The following PTGER3 variants were observed in gnomAD, a reference collection of about 807,000 sequenced individuals.
PTGER3 encodes the protein prostaglandin E receptor 3, also known as prostaglandin E2 receptor EP3 subtype.
In PTGER3, 22 loss-of-function variants were observed where a neutral mutation model predicts 34.7. The observed-to-expected ratio is 0.63, with a 90% CI of 0.45 to 0.91. The LOEUF (loss-of-function observed/expected upper bound fraction) is 0.91, where lower values mean the gene tolerates loss of function less well. Ranked by LOEUF, PTGER3 falls within the 40% of genes least tolerant of loss-of-function variation. The pLI, the probability that PTGER3 is intolerant of heterozygous loss-of-function variation, is 0.00. For missense variants in PTGER3, 468 were observed against 519.4 expected (o/e 0.90, Z 0.96); for synonymous variants, 241 against 230.1 (o/e 1.05, Z -0.43).
intron 1 of PTGER3, among the ~76,000 whole-genome samples, chr1:71,017,161 T>A (rs891729108): frequency 6.6e-6 from 1 of 152,054 alleles, no homozygotes; most frequent in Non-Finnish European, 1.5e-5. Flanking sequence ...AATCCTAGAT[T>A]ACCTGCGTGG....
At chr1:70,962,542 T>A (rs1652047575) in intron 2 of PTGER3, among the ~76,000 whole-genome samples, 1 of 152,130 alleles carries the variant, frequency 6.6e-6, no homozygotes, top group Admixed American at 6.5e-5. Flanking sequence ...GCCTCACACT[T>A]CATGGTGGAA....
At chr1:70,980,451 C>A (rs576526) in intron 2 of PTGER3, among the ~76,000 whole-genome samples, 1 of 151,654 alleles carries the variant, frequency 6.6e-6, no homozygotes, top group African/African-American at 2.4e-5. Context: ...TTGTAACTAC[C>A]CCTATAAGAT....
rs568020055 is a variant in PTGER3, at chr1:70,952,957, C to G, written c.1207G>C (p.Val403Leu). The G allele has an allele frequency of 1.9e-6, 3 of 1,613,002 alleles. No individual in the cohort carries two copies. In the African/African-American group the frequency reaches 4.0e-5, roughly 22 times the overall value. The change falls in exon 4 of 4, where the codon GTG becomes CTG. Residue 403 changes from valine to leucine, a missense_variant. Coordinates refer to the PTGER3 transcript ENST00000356595. ...CTGGTGTACACATTAATGCTGCTCA[C>G]GAGTACCTCCATTTCTTCTCTGTTC...
rs1376835688 is a variant in PTGER3, at chr1:70,925,607, A to G, written c.*23+28156T>C. Among the ~76,000 whole-genome samples the G allele has an allele frequency of 2.0e-5, 3 of 152,206 alleles. No individual in the cohort carries two copies. In the East Asian group the frequency reaches 5.8e-4, roughly 29 times the overall value. On this transcript the variant is annotated intron_variant, in intron 4 of 4. Transcript: ENST00000370931. The stretch of plus-strand genomic sequence containing the variant: ...AATTCTGCAAAAAAATTAATGAACC[A>G]CAGCTTCATGCAAAAATAAGAGTAA...
At chr1:71,009,622 A>G (rs766271658) in intron 2 of PTGER3, 14 of 985,156 alleles carry the variant, frequency 1.4e-5, no homozygotes, top group Non-Finnish European at 1.7e-5. Flanking sequence ...TAAAATTGAC[A>G]CTTGCTAATT....
At chr1:70,983,295 C>A (rs77207150) in intron 2 of PTGER3, among the ~76,000 whole-genome samples, 1 of 118,930 alleles carries the variant, frequency 8.4e-6, no homozygotes, top group Non-Finnish European at 1.9e-5. Context: ...AAAAAAAAAA[C>A]AACGGAACTT....
At chr1:71,008,488 A>C (rs919482364) in intron 2 of PTGER3, 28 of 919,048 alleles carry the variant, frequency 3.0e-5, no homozygotes, top group Non-Finnish European at 3.2e-5. Context: ...TTCTTTTATC[A>C]TCATCACCAC....
chr1:70,927,949 T>C (rs1006689161), intron 4 of PTGER3, among the ~76,000 whole-genome samples: 6 of 152,062 alleles, frequency 3.9e-5, no homozygotes, highest in Non-Finnish European at 7.4e-5. Context: ...AGTTGTGCCT[T>C]GGAGTGTGCT....
chr1:71,004,664 G>A lies in PTGER3; in HGVS notation c.1077+7641C>T, dbSNP rs773383068. Reference sequence around the variant, plus strand: ...CTTTGGAGACAAAGACTCACTTTAGGTATCACTTTGAGAGACATACAAACC... The same window carrying A: ...CTTTGGAGACAAAGACTCACTTTAGATATCACTTTGAGAGACATACAAACC... On this transcript the variant is annotated intron_variant, in intron 2 of 3. Transcript: ENST00000306666. Among the ~76,000 whole-genome samples the A allele has an allele frequency of 2.6e-5, 4 of 152,104 alleles. No individual in the cohort carries two copies. The South Asian group carries it at 8.3e-4, about 32-fold the overall frequency.
rs557027843 is a variant in PTGER3, at chr1:70,856,632, G to A, written c.*24-3773C>T. ...ATGGGCTTTTTCCCATTTTTTTAAGGTTAGAAGGTGTTTCAGAATGTGACT... is the reference window on the plus strand; with the variant it reads ...ATGGGCTTTTTCCCATTTTTTTAAGATTAGAAGGTGTTTCAGAATGTGACT... On this transcript the variant is annotated intron_variant, in intron 4 of 4. Transcript: ENST00000370931. Among the ~76,000 whole-genome samples the A allele has an allele frequency of 2.0e-5, 3 of 152,098 alleles. No homozygotes were observed. In the South Asian group the frequency reaches 6.2e-4, roughly 32 times the overall value.
intron 2 of PTGER3, among the ~76,000 whole-genome samples, chr1:70,955,401 T>G (rs895820748): frequency 6.6e-6 from 1 of 152,172 alleles, no homozygotes; most frequent in African/African-American, 2.4e-5. Context: ...AGAAATAACC[T>G]GATTCTTATT....
intron 1 of PTGER3, among the ~76,000 whole-genome samples, chr1:71,036,997 T>TG (rs374789540): frequency 2.6e-5 from 1 of 37,976 alleles, no homozygotes; most frequent in South Asian, 9.2e-4. Flanking sequence ...GTGTTTGTGC[T>TG]CGGAGAATTG....
Position 71,046,856 on chromosome 1 carries a change from G to C in PTGER3, c.722C>G (p.Ala241Gly). 6.2e-7 allele frequency: 1 copy of C among 1,614,042 alleles called. No individual in the cohort carries two copies. Among genetic ancestry groups the C allele is most frequent in the Non-Finnish European group, 8.5e-7 (1 of 1,180,002 alleles). Residue 241 changes from alanine to glycine, a missense_variant, in exon 1 of 4, where the codon GCG becomes GGG. Ala to Gly is a moderately conservative substitution (Grantham distance 60, BLOSUM62 0). Around this residue, in one of 5 missense-constraint regions of PTGER3, gnomAD observed 204 missense variants for 230.8 expected, o/e 0.88. Transcript: ENST00000306666. ...ASAFAFLGLL[A>G]LTVTFSCNLA... Reference sequence around the variant, plus strand: ...GTTGCAGGAAAAGGTGACTGTCAGCGCCAAGAGCCCCAGGAAGGCAAAGGC... The same window carrying C: ...GTTGCAGGAAAAGGTGACTGTCAGCCCCAAGAGCCCCAGGAAGGCAAAGGC...
intron 4 of PTGER3, among the ~76,000 whole-genome samples, chr1:70,932,052 A>G (rs1431285511): frequency 2.0e-5 from 3 of 152,182 alleles, no homozygotes; most frequent in African/African-American, 7.2e-5. Flanking sequence ...TGCTGCTTAG[A>G]AATTTCTTCC....
chr1:70,852,801 G>C (rs1645709938), exon 5 of PTGER3: 1 of 1,610,176 alleles, frequency 6.2e-7, no homozygotes, highest in Non-Finnish European at 8.5e-7. Context: ...GAGAGTCATG[G>C]AGCTTCCAGT....
At chr1:70,885,360 GT>G (rs1394815583) in intron 4 of PTGER3, among the ~76,000 whole-genome samples, 4 of 151,854 alleles carry the variant, frequency 2.6e-5, no homozygotes, top group Non-Finnish European at 5.9e-5. Context: ...TCTTTTAACA[GT>G]ACAATGATAA....
intron 4 of PTGER3, among the ~76,000 whole-genome samples, chr1:70,938,749 C>A (rs1226325064): frequency 1.3e-5 from 2 of 152,122 alleles, no homozygotes; most frequent in African/African-American, 2.4e-5. Flanking sequence ...TTCACTGTCA[C>A]CAGAATAGCT....
In PTGER3 at chr1:71,047,705, G is replaced by A; in HGVS notation, c.-128C>T. 2 of 1,113,828 alleles carry A rather than the reference G, an allele frequency of 1.8e-6. No individual in the cohort carries two copies. The highest frequency in any genetic ancestry group is 2.4e-6 in the Non-Finnish European group (2 of 833,140). 69.0% of individuals were successfully genotyped at this position (1,113,828 alleles called of 1,614,324 possible). A position where few individuals can be genotyped will look rare whatever the true frequency, so the allele number is the denominator to read the frequency against. ...GCTGGGCTGCCCCCCATGGTGCGGGGCGCAGCCGCCGCCCTACTCCGCTGC... is the reference window on the plus strand; with the variant it reads ...GCTGGGCTGCCCCCCATGGTGCGGGACGCAGCCGCCGCCCTACTCCGCTGC... On this transcript the variant is annotated 5_prime_UTR_variant, in exon 1 of 4. Transcript: ENST00000306666.
At chr1:70,963,836 C>G (rs1652224481) in intron 2 of PTGER3, among the ~76,000 whole-genome samples, 1 of 152,174 alleles carries the variant, frequency 6.6e-6, no homozygotes, top group South Asian at 2.1e-4. Context: ...GAATTTCTCC[C>G]CAGAAAATGG....
Sources: allele counts gnomAD v4.1 joint callset (sites outside exome capture counted in the v4.1 genomes callset), GRCh38; gene constraint gnomAD v4.1.1; regional missense constraint gnomAD v4.1.1; transcripts MANE v1.5; gene names NCBI Gene and HGNC (gene_info 2026-07-23, HGNC 2026-07-21).